Variants in FBN3 observed in about 807,000 individuals in gnomAD.
The protein encoded by FBN3 is fibrillin-3.
In FBN3, 234 loss-of-function variants were observed where a neutral mutation model predicts 330.1. The observed-to-expected ratio is 0.71, with a 90% CI of 0.64 to 0.79. The LOEUF is 0.79. Among genes scored for constraint, FBN3 ranks in the 30% least tolerant of loss-of-function variants. FBN3 has a pLI of 0.00. For missense variants in FBN3, 3,606 were observed against 3,886.9 expected (o/e 0.93, Z 1.92); for synonymous variants, 1,458 against 1,517.3 (o/e 0.96, Z 0.91).
intron 10 of FBN3, 56 bp from the exon 11 acceptor site, chr19:8,136,587 G>C (rs2145005535): frequency 6.2e-7 from 1 of 1,604,222 alleles, no homozygotes; most frequent in Admixed American, 1.7e-5. Context: ...CCCCAGTCTG[G>C]AGCCTGGGCT....
chr19:8,106,237 T>C lies in FBN3; in HGVS notation c.4688-4A>G, dbSNP rs1296303043. 6.2e-7 allele frequency: 1 copy of C among 1,614,034 alleles called. No individual in the cohort carries two copies. Among genetic ancestry groups the C allele is most frequent in the South Asian group, 1.1e-5 (1 of 91,074 alleles). On this transcript the variant is annotated splice_polypyrimidine_tract_variant and splice_region_variant and intron_variant, in intron 37 of 63. Coordinates refer to ENST00000600128, the MANE Select transcript of FBN3 (RefSeq NM_032447.5). ...AGCTCTTGGCACTCGTCGATGTCTG[T>C]CAGGAAGTAAGGAAGCCAAGCTTGG...
At chr19:8,120,979 TTC>T (rs1366632499) in intron 25 of FBN3, among the ~76,000 whole-genome samples, 2 of 152,144 alleles carry the variant, frequency 1.3e-5, no homozygotes, top group Admixed American at 6.6e-5. Context: ...TTTCCCAGGC[TTC>T]TCTGAGGGTC....
At chr19:8,144,812 T>C in intron 6 of FBN3, 65 bp downstream of exon 6, 1 of 1,350,310 alleles carries the variant, frequency 7.4e-7, no homozygotes, top group Non-Finnish European at 1.0e-6. Context: ...TCTCAGGGAC[T>C]TCCAGGAAAC....
chr19:8,142,395 C>G (rs1041230569), intron 6 of FBN3, among the ~76,000 whole-genome samples: 31 of 152,254 alleles, frequency 2.0e-4, no homozygotes, highest in African/African-American at 7.5e-4. Flanking sequence ...AAGCTCAGGG[C>G]CTGTGTGAAC....
chr19:8,142,115 A>G lies in FBN3; in HGVS notation c.564T>C (p.Phe188=), dbSNP rs758717970. The G allele has an allele frequency of 1.9e-6, 3 of 1,611,802 alleles. No homozygotes were observed. Among genetic ancestry groups the G allele is most frequent in the African/African-American group, 2.7e-5 (2 of 74,884 alleles). ...GGCACCCCTCGGGGCCTACTTGGCC[A>G]AAGCAGGGTCCCGTCCGGTAATCTG... ...CERDYRTGPC[F]GQVGPEGCQH... is the part of the protein sequence containing the mutation. Residue 188 remains phenylalanine, a synonymous_variant, in exon 7 of 64, where the codon TTT becomes TTC. Coordinates refer to ENST00000600128, the MANE Select transcript of FBN3 (RefSeq NM_032447.5).
Position 8,065,984 on chromosome 19 carries a change from G to A in FBN3, c.8365C>T (p.Pro2789Ser), listed in dbSNP as rs2081380290. ...SHMAGPWGVQ[P>S]EGQPGPWGQA... ...CCCCATGGCCCTGGCTGCCCCTCTG[G>A]CTGGACACCCCAGGGTCCTGCCATG... The change falls in exon 64 of 64, where the codon CCA becomes TCA. Residue 2789 changes from proline to serine, a missense_variant. By Grantham distance (74) the Pro-to-Ser change is moderately conservative. Coordinates refer to ENST00000600128, the MANE Select transcript of FBN3 (RefSeq NM_032447.5). 1 of 1,612,100 alleles carries A rather than the reference G, an allele frequency of 6.2e-7. No homozygotes were observed. Among genetic ancestry groups the A allele is most frequent in the Non-Finnish European group, 8.5e-7 (1 of 1,179,390 alleles).
Position 8,089,951 on chromosome 19 carries a change from G to A in FBN3, c.6193C>T (p.Gln2065Ter). The change falls in exon 50 of 64, where the codon CAG becomes TAG. Residue 2065 changes from glutamine (Q) to a stop codon, truncating the protein, a stop_gained. Coordinates refer to ENST00000600128, the MANE Select transcript of FBN3 (RefSeq NM_032447.5). LOFTEE classifies it high-confidence loss of function. ...LCPQEGSAAF[Q>*]ELCPFGHGAV... ...CCGTGGCCAAAGGGGCAGAGCTCCT[G>A]AAAGGCAGCTGGACGGAGAGGGGGA... is the stretch of plus-strand genomic sequence containing the variant. 6.2e-7 allele frequency: 1 copy of A among 1,610,868 alleles called. No homozygotes were observed. Among genetic ancestry groups the A allele is most frequent in the South Asian group, 1.1e-5 (1 of 90,644 alleles).
At chr19:8,132,574 C>A (rs1484918608) in intron 14 of FBN3, among the ~76,000 whole-genome samples, 1 of 152,066 alleles carries the variant, frequency 6.6e-6, no homozygotes, top group Non-Finnish European at 1.5e-5. Context: ...TCACTGCAAC[C>A]TCTACCTCCC....
chr19:8,115,616 G>C lies in FBN3; in HGVS notation c.3737C>G (p.Pro1246Arg), dbSNP rs143135391. 6.2e-7 allele frequency: 1 copy of C among 1,614,054 alleles called. No homozygotes were observed. Among genetic ancestry groups the C allele is most frequent in the Non-Finnish European group, 8.5e-7 (1 of 1,179,986 alleles). The change falls in exon 30 of 64, where the codon CCT becomes CGT. Residue 1246 changes from proline (P) to arginine (R), a missense_variant. Physicochemically the swap from Pro to Arg is moderately radical, Grantham distance 103 (BLOSUM62 -2). Transcript: ENST00000600128. ...GCAGTCCCCATGGAGGCAGATGTGA[G>C]GGTTCAGGTCACACTCATCCACATC... ...CVDVDECDLN[P>R]HICLHGDCEN... is the part of the protein sequence containing the mutation.
At chr19:8,082,162 T>C (rs1287531291) in intron 57 of FBN3, among the ~76,000 whole-genome samples, 1 of 151,912 alleles carries the variant, frequency 6.6e-6, no homozygotes, top group Non-Finnish European at 1.5e-5. Flanking sequence ...GTAGAGACGG[T>C]TTCATGATGT....
At chr19:8,113,477 A>G (rs2082634718) in intron 30 of FBN3, among the ~76,000 whole-genome samples, 1 of 151,972 alleles carries the variant, frequency 6.6e-6, no homozygotes, top group Admixed American at 6.6e-5. Flanking sequence ...GAATCCTTCC[A>G]CCTCAATCTC....
intron 63 of FBN3, among the ~76,000 whole-genome samples, chr19:8,067,438 T>C (rs1413351515): frequency 6.6e-6 from 1 of 152,172 alleles, no homozygotes. Context: ...GGCCAGGATT[T>C]TGAGGTCAGC....
At chr19:8,091,791 C>T (rs574204165) in intron 47 of FBN3, among the ~76,000 whole-genome samples, 1 of 152,292 alleles carries the variant, frequency 6.6e-6, no homozygotes, top group African/African-American at 2.4e-5. Flanking sequence ...GAAGGCATCT[C>T]CAGAGTAAAG....
At chr19:8,112,490 CAA>C (rs56104256) in intron 30 of FBN3, among the ~76,000 whole-genome samples, 3 of 151,248 alleles carry the variant, frequency 2.0e-5, no homozygotes, top group East Asian at 2.0e-4. Context: ...ACTAAAAATA[CAA>C]AAAAAAAATT....
chr19:8,082,797 T>C (rs2081836609), intron 57 of FBN3, among the ~76,000 whole-genome samples: 2 of 26,956 alleles, frequency 7.4e-5, no homozygotes, highest in African/African-American at 1.1e-3. Context: ...CCTGGCCTGT[T>C]TTTTTTTTTC....
intron 63 of FBN3, among the ~76,000 whole-genome samples, chr19:8,068,635 A>G (rs28421148): frequency 0.19 from 28,211 of 151,498 alleles, 2,736 homozygotes; most frequent in East Asian, 0.42. Context: ...CCAGGAGTTC[A>G]AGGCTGCAGT....
intron 40 of FBN3, among the ~76,000 whole-genome samples, chr19:8,102,309 G>A (rs2082345023): frequency 6.6e-6 from 1 of 151,896 alleles, no homozygotes; most frequent in Admixed American, 6.6e-5. Context: ...CCACTTCCCG[G>A]GTTCAAGCGA....
chr19:8,106,001 C>G (rs1010430848), intron 38 of FBN3, 107 bp downstream of exon 38: 14 of 1,354,712 alleles, frequency 1.0e-5, no homozygotes, highest in Non-Finnish European at 1.3e-5. Context: ...GGGGCAGAAG[C>G]CTTTCCATGA....
chr19:8,112,645 G>A (rs945842837), intron 30 of FBN3, among the ~76,000 whole-genome samples: 3 of 151,966 alleles, frequency 2.0e-5, no homozygotes, highest in Admixed American at 1.3e-4. Context: ...GTGAGACTCC[G>A]TCTCAAAAAA....
Sources: allele counts gnomAD v4.1 joint callset (sites outside exome capture counted in the v4.1 genomes callset), GRCh38; gene constraint gnomAD v4.1.1; transcripts MANE v1.5; gene names NCBI Gene and HGNC (gene_info 2026-07-23, HGNC 2026-07-21).